Variants in SNTG2 observed in about 807,000 individuals in gnomAD.
The protein encoded by SNTG2 is gamma-2-syntrophin.
Under a neutral mutation model 70.9 loss-of-function variants are expected in SNTG2, and 74 were observed. The ratio of observed to expected loss-of-function variants is 1.04; its 90% CI spans 0.86 to 1.27. The LOEUF (loss-of-function observed/expected upper bound fraction) is 1.27, where lower values mean the gene tolerates loss of function less well. SNTG2 is among the 50% of genes most tolerant of loss of function. The pLI, the probability that SNTG2 is intolerant of heterozygous loss-of-function variation, is 0.00. For missense variants in SNTG2, 717 were observed against 690.7 expected, an observed-to-expected ratio of 1.04 and a Z score of -0.43; for synonymous variants, 278 against 273.8, an observed-to-expected ratio of 1.02 and a Z score of -0.15.
At chr2:1,066,469 A>G (rs1663161685) in intron 1 of SNTG2, among the ~76,000 whole-genome samples, 1 of 151,826 alleles carries the variant, frequency 6.6e-6, no homozygotes, top group Non-Finnish European at 1.5e-5. Flanking sequence ...CACTTCTCAG[A>G]TGTGATGATT....
intron 2 of SNTG2, among the ~76,000 whole-genome samples, chr2:1,093,046 A>C (rs1014073966): frequency 6.6e-6 from 1 of 152,144 alleles, no homozygotes; most frequent in Non-Finnish European, 1.5e-5. Context: ...GATACATTCG[A>C]TTGTATTCTG....
At chr2:1,280,687 C>G (rs1278570627) in intron 14 of SNTG2, among the ~76,000 whole-genome samples, 1 of 152,224 alleles carries the variant, frequency 6.6e-6, no homozygotes, top group African/African-American at 2.4e-5. Flanking sequence ...GTAGTGTATT[C>G]TCAGCCACTG....
chr2:1,312,971 G>A (rs980439887), intron 15 of SNTG2, among the ~76,000 whole-genome samples: 2 of 152,192 alleles, frequency 1.3e-5, no homozygotes, highest in Admixed American at 1.3e-4. Flanking sequence ...ATCAAGAAAC[G>A]AATTAGGTTT....
At chr2:1,175,839 G>T (rs116344100) in intron 8 of SNTG2, among the ~76,000 whole-genome samples, 1,693 of 152,230 alleles carry the variant, frequency 0.011, 29 homozygotes, top group African/African-American at 0.039. Flanking sequence ...GGCATGATTC[G>T]GTGCCATTTC....
chr2:1,246,237 A>G (rs1057142395), intron 11 of SNTG2, among the ~76,000 whole-genome samples: 6 of 152,238 alleles, frequency 3.9e-5, no homozygotes, highest in African/African-American at 1.4e-4. Context: ...GCCCTACAAG[A>G]CAGTGCTCCT....
At chr2:992,038 A>G (rs1661512463) in intron 1 of SNTG2, among the ~76,000 whole-genome samples, 1 of 152,170 alleles carries the variant, frequency 6.6e-6, no homozygotes, top group African/African-American at 2.4e-5. Context: ...GATGAAGGAA[A>G]TAACACACCG....
intron 1 of SNTG2, among the ~76,000 whole-genome samples, chr2:976,878 G>A (rs1200650155): frequency 6.6e-6 from 1 of 152,082 alleles, no homozygotes; most frequent in Non-Finnish European, 1.5e-5. Context: ...GATTTGCTCA[G>A]TTTACCCAGC....
intron 6 of SNTG2, among the ~76,000 whole-genome samples, chr2:1,162,615 C>T (rs73162005): frequency 0.044 from 6,650 of 152,138 alleles, 499 homozygotes; most frequent in African/African-American, 0.15. Flanking sequence ...CCTCCAGGGA[C>T]GAGGGCTTGC....
At chr2:1,061,243 G>A (rs907646126) in intron 1 of SNTG2, among the ~76,000 whole-genome samples, 3 of 152,208 alleles carry the variant, frequency 2.0e-5, no homozygotes, top group Non-Finnish European at 4.4e-5. Context: ...ACAAAGCCGT[G>A]TGATCCTGGG....
Position 1,137,630 on chromosome 2 carries a change from A to G in SNTG2, c.334A>G (p.Thr112Ala). 6.2e-7 allele frequency: 1 copy of G among 1,613,122 alleles called. No individual in the cohort carries two copies. The highest frequency in any genetic ancestry group is 8.5e-7 in the Non-Finnish European group (1 of 1,179,686). ...CTTTTGCCACCCTGCAGCTGACCAG[A>G]CAGGGATGTTGTTCGTAGGAGATGC... is the stretch of plus-strand genomic sequence containing the variant. ...KIFEDQAADQ[T>A]GMLFVGDAVL... The change falls in exon 5 of 17, where the codon ACA becomes GCA. Residue 112 changes from threonine (T) to alanine (A), a missense_variant. Coordinates refer to ENST00000308624, the MANE Select transcript of SNTG2 (RefSeq NM_018968.4).
Position 1,186,903 on chromosome 2 carries a change from A to G in SNTG2, c.591+13720A>G, listed in dbSNP as rs142053195. 1.6e-4 allele frequency among the ~76,000 whole-genome samples: 25 copies of G among 152,370 alleles called. No homozygotes were observed. The East Asian group carries it at 4.2e-3, about 26-fold the overall frequency. ...AAATCAAGTGACTCTACTAGATATT[A>G]TAAATATTTAAACAGAAACATCAGT... On this transcript the variant is annotated intron_variant, in intron 8 of 16. Transcript: ENST00000308624.
chr2:1,039,660 C>G (rs918828234), intron 1 of SNTG2, among the ~76,000 whole-genome samples: 1 of 152,084 alleles, frequency 6.6e-6, no homozygotes, highest in Non-Finnish European at 1.5e-5. Flanking sequence ...GCGTTTGGCT[C>G]TCTACAAATT....
chr2:1,273,675 G>A (rs1340176227), intron 14 of SNTG2, among the ~76,000 whole-genome samples: 1 of 150,274 alleles, frequency 6.7e-6, no homozygotes, highest in Admixed American at 6.6e-5. Context: ...AATGAATATA[G>A]AATGAAATAT....
intron 4 of SNTG2, among the ~76,000 whole-genome samples, chr2:1,105,652 A>G (rs139869386): frequency 3.3e-5 from 5 of 152,316 alleles, no homozygotes; most frequent in Middle Eastern, 3.4e-3. Flanking sequence ...AGTACTGAGG[A>G]TACCAAGCTC....
At chr2:1,039,943 T>C (rs1041163154) in intron 1 of SNTG2, among the ~76,000 whole-genome samples, 5 of 152,140 alleles carry the variant, frequency 3.3e-5, no homozygotes, top group African/African-American at 4.8e-5. Context: ...CTTTTGGCTC[T>C]GAGCAGATGG....
chr2:966,808 A>G (rs12476065), intron 1 of SNTG2, among the ~76,000 whole-genome samples: 63,795 of 151,584 alleles, frequency 0.42, 14,004 homozygotes, highest in Middle Eastern at 0.52. Context: ...TTAGCTGGGC[A>G]TGGTGGCGGG....
intron 9 of SNTG2, among the ~76,000 whole-genome samples, chr2:1,230,256 G>A (rs1676121172): frequency 6.6e-6 from 1 of 152,252 alleles, no homozygotes; most frequent in Admixed American, 6.5e-5. Context: ...ATGCTGTTGT[G>A]TTATGATGAC....
At chr2:1,071,983 T>G (rs1284370167) in intron 1 of SNTG2, among the ~76,000 whole-genome samples, 1 of 152,010 alleles carries the variant, frequency 6.6e-6, no homozygotes, top group Admixed American at 6.6e-5. Context: ...AGAAGGAAAG[T>G]TGGAAGCTAG....
chr2:1,335,706 C>T (rs1206515740), intron 16 of SNTG2, among the ~76,000 whole-genome samples: 3 of 151,682 alleles, frequency 2.0e-5, no homozygotes, highest in African/African-American at 4.8e-5. Context: ...GATTGAACAC[C>T]GAGAAACCAC....
Sources: allele counts gnomAD v4.1 joint callset (sites outside exome capture counted in the v4.1 genomes callset), GRCh38; gene constraint gnomAD v4.1.1; transcripts MANE v1.5; gene names NCBI Gene and HGNC (gene_info 2026-07-23, HGNC 2026-07-21).